The following RBFOX1 variants were observed in gnomAD, a reference collection of about 807,000 sequenced individuals.
RBFOX1 encodes RNA binding fox-1 homolog 1, also known as RNA binding protein fox-1 homolog 1.
RBFOX1 carries 8 observed loss-of-function variants against 57.7 expected under a neutral mutation model. That is an observed-to-expected ratio of 0.14 (90% CI 0.08 to 0.25). The LOEUF (loss-of-function observed/expected upper bound fraction) is 0.25, where lower values mean the gene tolerates loss of function less well. Among genes scored for constraint, RBFOX1 ranks in the 10% least tolerant of loss-of-function variants. The probability of loss-of-function intolerance (pLI) is 1.00; values close to 1 mark genes in which losing one functional copy is unlikely to be tolerated. For missense variants in RBFOX1, 611 were observed against 548.5 expected, an observed-to-expected ratio of 1.11 and a Z score of -1.14; for synonymous variants, 326 against 222.4, an observed-to-expected ratio of 1.47 and a Z score of -4.15.
At chr16:5,955,314 A>T (rs2059606638) in intron 4 of RBFOX1, among the ~76,000 whole-genome samples, 1 of 28,044 alleles carries the variant, frequency 3.6e-5, no homozygotes, top group East Asian at 8.0e-4. Context: ...AATAAAATAA[A>T]ATAAAATAAA....
chr16:7,418,733 A>G (rs2098508833), intron 4 of RBFOX1, among the ~76,000 whole-genome samples: 1 of 152,012 alleles, frequency 6.6e-6, no homozygotes, highest in Admixed American at 6.6e-5. Flanking sequence ...CTAATACTTT[A>G]TGGTCTTATC....
At chr16:6,530,248 C>T (rs1056873808) in intron 2 of RBFOX1, among the ~76,000 whole-genome samples, 6 of 152,014 alleles carry the variant, frequency 3.9e-5, no homozygotes, top group Admixed American at 1.3e-4. Flanking sequence ...CAGGAAGAAG[C>T]GGCAAAGAGT....
At chr16:7,153,727 C>CAA (rs113270300) in intron 4 of RBFOX1, among the ~76,000 whole-genome samples, 69,761 of 128,476 alleles carry the variant, frequency 0.54, 19,433 homozygotes, top group Admixed American at 0.6. Context: ...GACAGTGTCT[C>CAA]AAAAAAAAAA....
chr16:6,061,706 T>C (rs1473075827), intron 1 of RBFOX1, among the ~76,000 whole-genome samples: 2 of 152,120 alleles, frequency 1.3e-5, no homozygotes, highest in Non-Finnish European at 2.9e-5. Flanking sequence ...TATACTATCA[T>C]ACATAGAAAA....
intron 1 of RBFOX1, among the ~76,000 whole-genome samples, chr16:5,360,430 G>A (rs2065513164): frequency 6.6e-6 from 1 of 152,358 alleles, no homozygotes. Flanking sequence ...GTGCCAGGCT[G>A]GCTGGCTTGC....
rs537125756 is a variant in RBFOX1 at position 6,676,320 on chromosome 16, C to A, written c.-16+21670C>A. Reference sequence around the variant, plus strand: ...AGTGGATAGGGAATAGAGTACTATCCTGCCTTCCAGTCAATTTTGGGGAGT... The same window carrying A: ...AGTGGATAGGGAATAGAGTACTATCATGCCTTCCAGTCAATTTTGGGGAGT... On this transcript the variant is annotated intron_variant, in intron 3 of 15. Transcript: ENST00000550418. Among the ~76,000 whole-genome samples, 4 of 152,174 alleles carry A rather than the reference C, an allele frequency of 2.6e-5. No homozygotes were observed. The South Asian group carries it at 8.3e-4, about 32-fold the overall frequency.
At chr16:6,788,592 C>T (rs1190764313) in intron 3 of RBFOX1, among the ~76,000 whole-genome samples, 3 of 151,970 alleles carry the variant, frequency 2.0e-5, no homozygotes, top group Non-Finnish European at 4.4e-5. Context: ...TCTCCTGCCT[C>T]AGCCTCCCGA....
chr16:7,097,629 T>C (rs1289243956), intron 4 of RBFOX1, among the ~76,000 whole-genome samples: 1 of 152,196 alleles, frequency 6.6e-6, no homozygotes, highest in East Asian at 1.9e-4. Context: ...AATATGCAAG[T>C]CTACATATGT....
rs567642208 is a variant in RBFOX1, at chr16:7,375,296, A to G, written c.28-142851A>G. Among the ~76,000 whole-genome samples the G allele has an allele frequency of 1.4e-4, 21 of 152,304 alleles. No individual in the cohort carries two copies. The South Asian group carries it at 4.4e-3, about 32-fold the overall frequency. On this transcript the variant is annotated intron_variant, in intron 4 of 15. Coordinates refer to ENST00000550418, the MANE Select transcript of RBFOX1 (RefSeq NM_018723.4). ...CTGATTCCAAAACTACTTCTATGCC[A>G]TCTTATTAGTCTCAAGGTAATACAA... is the stretch of plus-strand genomic sequence containing the variant.
At chr16:5,309,517 T>A (rs1402946121) in intron 1 of RBFOX1, among the ~76,000 whole-genome samples, 1 of 152,216 alleles carries the variant, frequency 6.6e-6, no homozygotes, top group African/African-American at 2.4e-5. Context: ...AATTGTTTTT[T>A]AATTTTTATA....
At chr16:6,695,134 C>A (rs933376646) in intron 3 of RBFOX1, among the ~76,000 whole-genome samples, 1 of 151,936 alleles carries the variant, frequency 6.6e-6, no homozygotes, top group African/African-American at 2.4e-5. Flanking sequence ...GGAAAAAAAA[C>A]AATGGCCGGG....
intron 1 of RBFOX1, among the ~76,000 whole-genome samples, chr16:6,245,061 G>A (rs1416038487): frequency 6.6e-6 from 1 of 152,014 alleles, no homozygotes. Context: ...TTGTTTGATG[G>A]TTTCTTGGCA....
chr16:6,734,809 G>A (rs1214806937), intron 3 of RBFOX1, among the ~76,000 whole-genome samples: 3 of 152,094 alleles, frequency 2.0e-5, no homozygotes, highest in South Asian at 2.1e-4. Context: ...TATTTTTTAC[G>A]AAATCTAGAT....
intron 11 of RBFOX1, among the ~76,000 whole-genome samples, chr16:7,632,537 C>T (rs983003990): frequency 2.6e-5 from 4 of 152,202 alleles, no homozygotes; most frequent in African/African-American, 9.6e-5. Context: ...TCTTCTGAAC[C>T]TGGGAACATT....
At chr16:6,256,232 T>C (rs61259365) in intron 1 of RBFOX1, among the ~76,000 whole-genome samples, 3 of 63,772 alleles carry the variant, frequency 4.7e-5, no homozygotes, top group African/African-American at 5.9e-5. Flanking sequence ...TATATATATA[T>C]GTGTATATAT....
chr16:7,026,191 G>T (rs1227862114), intron 3 of RBFOX1, among the ~76,000 whole-genome samples: 1 of 152,158 alleles, frequency 6.6e-6, no homozygotes, highest in Admixed American at 6.5e-5. Flanking sequence ...GGCCTACTCT[G>T]AGGACATCAA....
At chr16:7,368,646 G>T (rs955065295) in intron 4 of RBFOX1, among the ~76,000 whole-genome samples, 1 of 151,938 alleles carries the variant, frequency 6.6e-6, no homozygotes, top group Non-Finnish European at 1.5e-5. Context: ...CAGGCGTGGT[G>T]GCGGGCACCT....
chr16:5,692,375 A>C (rs1221922016), intron 3 of RBFOX1, among the ~76,000 whole-genome samples: 3 of 152,112 alleles, frequency 2.0e-5, no homozygotes, highest in Non-Finnish European at 4.4e-5. Context: ...GCCACCAAGA[A>C]AAAGCGGACC....
At chr16:7,644,873 C>A (rs910463644) in intron 11 of RBFOX1, among the ~76,000 whole-genome samples, 2 of 152,006 alleles carry the variant, frequency 1.3e-5, no homozygotes, top group East Asian at 1.9e-4. Context: ...TTGGAGGGAG[C>A]GATGTTTGAA....
Sources: gnomAD v4.1 joint callset for allele counts (sites outside exome capture counted in the v4.1 genomes callset) on GRCh38, gnomAD v4.1.1 for gene constraint, MANE v1.5 for transcripts, NCBI Gene and HGNC (gene_info 2026-07-23, HGNC 2026-07-21) for gene names.